Variants in FAM135B observed in about 807,000 individuals in gnomAD.
FAM135B encodes family with sequence similarity 135 member B, also known as protein FAM135B.
A neutral mutation model predicts 127.7 loss-of-function variants in FAM135B; 43 were observed. That is an observed-to-expected ratio of 0.34 (90% CI 0.26 to 0.43). The LOEUF (loss-of-function observed/expected upper bound fraction) is 0.43. Ranked by LOEUF, FAM135B falls within the 20% of genes least tolerant of loss-of-function variation. The probability of loss-of-function intolerance (pLI) is 1.00; values close to 1 mark genes in which losing one functional copy is unlikely to be tolerated. For synonymous variants in FAM135B, 670 were observed against 665.1 expected, an observed-to-expected ratio of 1.01 and a Z score of -0.11; for missense variants, 1,558 against 1,725.6, an observed-to-expected ratio of 0.90 and a Z score of 1.72.
chr8:138,424,632 G>C (rs957464659), intron 1 of FAM135B, among the ~76,000 whole-genome samples: 3 of 152,152 alleles, frequency 2.0e-5, no homozygotes, highest in African/African-American at 7.2e-5. Flanking sequence ...GGCTCTGTCA[G>C]GTTATGTGGT....
intron 12 of FAM135B, among the ~76,000 whole-genome samples, chr8:138,158,059 C>A (rs1056250960): frequency 1.7e-4 from 26 of 152,136 alleles, no homozygotes; most frequent in African/African-American, 6.3e-4. Context: ...TAGTACAAGG[C>A]TACAGTAACC....
At chr8:138,265,937 GC>G (rs1822886235) in intron 3 of FAM135B, 95 bp from the exon 4 acceptor site, 1 of 1,273,986 alleles carries the variant, frequency 7.8e-7, no homozygotes, top group Non-Finnish European at 1.1e-6. Context: ...TAGGCTAATG[GC>G]CCCAAGCTGC....
chr8:138,318,746 C>T (rs1319497132), intron 2 of FAM135B, among the ~76,000 whole-genome samples: 2 of 152,152 alleles, frequency 1.3e-5, no homozygotes, highest in Admixed American at 1.3e-4. Flanking sequence ...GCCCTTGATG[C>T]TACTGAATCT....
At chr8:138,134,827 C>T (rs552581087) in intron 19 of FAM135B, among the ~76,000 whole-genome samples, 242 of 152,030 alleles carry the variant, frequency 1.6e-3, no homozygotes, top group African/African-American at 4.4e-3. Flanking sequence ...AAAGAGAGGG[C>T]GATTTTTTCT....
intron 1 of FAM135B, among the ~76,000 whole-genome samples, chr8:138,419,349 C>T (rs1834354741): frequency 6.6e-6 from 1 of 152,038 alleles, no homozygotes; most frequent in African/African-American, 2.4e-5. Context: ...GAGCACCAGA[C>T]TCATAAAAAA....
At chr8:138,345,136 G>A (rs1307200135) in intron 2 of FAM135B, among the ~76,000 whole-genome samples, 1 of 152,150 alleles carries the variant, frequency 6.6e-6, no homozygotes, top group Non-Finnish European at 1.5e-5. Context: ...GCCCAGCTCA[G>A]GTAACTTTTC....
At chr8:138,446,629 C>T (rs1183265312) in intron 1 of FAM135B, among the ~76,000 whole-genome samples, 2 of 152,058 alleles carry the variant, frequency 1.3e-5, no homozygotes, top group Non-Finnish European at 2.9e-5. Flanking sequence ...TGGATCCCTT[C>T]CTTACACCTT....
intron 3 of FAM135B, among the ~76,000 whole-genome samples, chr8:138,298,286 T>C (rs1461666064): frequency 2.0e-5 from 3 of 152,086 alleles, no homozygotes; most frequent in Admixed American, 6.5e-5. Context: ...ATATAATAAA[T>C]TAACTGAAGT....
chr8:138,359,788 C>T (rs976831994), intron 2 of FAM135B, among the ~76,000 whole-genome samples: 11 of 152,116 alleles, frequency 7.2e-5, no homozygotes, highest in Admixed American at 7.2e-4. Context: ...AGCTGGATGT[C>T]GCTGGGCATT....
intron 1 of FAM135B, among the ~76,000 whole-genome samples, chr8:138,445,339 A>G (rs1375785808): frequency 1.3e-5 from 2 of 152,224 alleles, no homozygotes; most frequent in African/African-American, 4.8e-5. Context: ...AGCCTGGCAG[A>G]GACACAACAA....
intron 1 of FAM135B, among the ~76,000 whole-genome samples, chr8:138,475,582 C>G (rs1488148179): frequency 1.3e-5 from 2 of 152,158 alleles, no homozygotes; most frequent in African/African-American, 4.8e-5. Context: ...AATCTATCAC[C>G]ACGATCTGTC....
At chr8:138,298,149 C>G (rs1445963096) in intron 3 of FAM135B, among the ~76,000 whole-genome samples, 2 of 152,116 alleles carry the variant, frequency 1.3e-5, no homozygotes, top group East Asian at 3.9e-4. Flanking sequence ...GAGTTAAGTA[C>G]AGCATACATA....
intron 10 of FAM135B, among the ~76,000 whole-genome samples, chr8:138,178,200 A>G (rs1011749810): frequency 6.6e-6 from 1 of 151,804 alleles, no homozygotes; most frequent in African/African-American, 2.4e-5. Flanking sequence ...GTGAGCGGAG[A>G]TTGCACCACT....
At chr8:138,369,483 G>A (rs1830980014) in intron 1 of FAM135B, among the ~76,000 whole-genome samples, 1 of 152,130 alleles carries the variant, frequency 6.6e-6, no homozygotes, top group South Asian at 2.1e-4. Context: ...TTTCATCCGG[G>A]AAATATTTCT....
intron 1 of FAM135B, among the ~76,000 whole-genome samples, chr8:138,468,375 C>A (rs1023584499): frequency 1.3e-5 from 2 of 152,166 alleles, no homozygotes; most frequent in East Asian, 3.8e-4. Flanking sequence ...TCATGACTCT[C>A]TATCTATGGA....
intron 1 of FAM135B, among the ~76,000 whole-genome samples, chr8:138,406,525 A>G (rs1563975492): frequency 6.6e-6 from 1 of 151,902 alleles, no homozygotes; most frequent in Non-Finnish European, 1.5e-5. Flanking sequence ...ATACTGGCAA[A>G]CAGAATCCAG....
intron 1 of FAM135B, among the ~76,000 whole-genome samples, chr8:138,399,502 C>G (rs1385328154): frequency 6.6e-6 from 1 of 152,156 alleles, no homozygotes; most frequent in East Asian, 1.9e-4. Flanking sequence ...ACTGAAGGAA[C>G]ACAGGAAAAC....
chr8:138,446,098 G>A (rs540289623), intron 1 of FAM135B, among the ~76,000 whole-genome samples: 9 of 152,226 alleles, frequency 5.9e-5, no homozygotes, highest in East Asian at 5.8e-4. Context: ...AACTTACAAC[G>A]GATGTGAAGG....
At chr8:138,212,698 C>G (rs1302097850) in intron 7 of FAM135B, among the ~76,000 whole-genome samples, 1 of 152,218 alleles carries the variant, frequency 6.6e-6, no homozygotes, top group African/African-American at 2.4e-5. Context: ...ATGGCACTTT[C>G]ATTTTCTAGC....
Sources: allele counts gnomAD v4.1 joint callset (sites outside exome capture counted in the v4.1 genomes callset), GRCh38; gene constraint gnomAD v4.1.1; transcripts MANE v1.5; gene names NCBI Gene and HGNC (gene_info 2026-07-23, HGNC 2026-07-21).